Variants in OGDH observed in about 807,000 individuals in gnomAD.
The protein encoded by OGDH is oxoglutarate dehydrogenase.
OGDH carries 38 observed loss-of-function variants against 116.6 expected under a neutral mutation model. The ratio of observed to expected loss-of-function variants is 0.33; its 90% CI spans 0.25 to 0.43. OGDH has a LOEUF of 0.43. Among genes scored for constraint, OGDH ranks in the 20% least tolerant of loss-of-function variants. OGDH has a pLI of 1.00. For missense variants in OGDH, 825 were observed against 1,357.2 expected (o/e 0.61, Z 6.16); for synonymous variants, 488 against 533.3 (o/e 0.92, Z 1.17).
At chr7:44,706,624 ATT>A (rs60453820) in intron 20 of OGDH, among the ~76,000 whole-genome samples, 24 of 123,164 alleles carry the variant, frequency 1.9e-4, no homozygotes, top group South Asian at 2.5e-4. Context: ...CCCGGCTGGT[ATT>A]TTTTTTTTTT....
intron 1 of OGDH, among the ~76,000 whole-genome samples, chr7:44,620,410 C>G (rs1296402792): frequency 6.6e-6 from 1 of 152,208 alleles, no homozygotes; most frequent in African/African-American, 2.4e-5. Flanking sequence ...TTGCTTGAAT[C>G]AAGGTTACAA....
chr7:44,635,382 C>T (rs951848870), intron 2 of OGDH, among the ~76,000 whole-genome samples: 2 of 152,160 alleles, frequency 1.3e-5, no homozygotes, highest in Non-Finnish European at 2.9e-5. Flanking sequence ...ATCAGCTGTG[C>T]GAGGGCCTTT....
At chr7:44,659,112 A>G (rs1415213277) in intron 4 of OGDH, among the ~76,000 whole-genome samples, 2 of 152,166 alleles carry the variant, frequency 1.3e-5, no homozygotes, top group African/African-American at 2.4e-5. Flanking sequence ...TTCTGGGATT[A>G]CAGACATGAG....
At chr7:44,661,109 G>A (rs1260705207) in intron 4 of OGDH, among the ~76,000 whole-genome samples, 1 of 152,026 alleles carries the variant, frequency 6.6e-6, no homozygotes. Context: ...ATCAGATTTG[G>A]GGTCACTTAT....
At position 44,701,588 on chromosome 7, in the gene OGDH, A is replaced by G. The variant is rs1788832830; in HGVS notation, c.2605A>G (p.Arg869Gly). 1.2e-6 allele frequency: 2 copies of G among 1,614,206 alleles called. No individual in the cohort carries two copies. The highest frequency in any genetic ancestry group is 1.7e-6 in the Non-Finnish European group (2 of 1,180,030). Reference sequence around the variant, plus strand: ...ATCCCTGTTGCGCCACCCCGAGGCCAGATCCAGCTTTGATGAGATGCTTCC... The same window carrying G: ...ATCCCTGTTGCGCCACCCCGAGGCCGGATCCAGCTTTGATGAGATGCTTCC... ...PKSLLRHPEA[R>G]SSFDEMLPGT... Residue 869 changes from arginine to glycine, a missense_variant, in exon 20 of 23, where the codon AGA becomes GGA. By Grantham distance (125) the Arg-to-Gly change is moderately radical. Around this residue, in one of 7 missense-constraint regions of OGDH, gnomAD observed 212 missense variants for 284.3 expected, o/e 0.75. Transcript: ENST00000222673.
At chr7:44,619,827 C>G (rs539738104) in intron 1 of OGDH, among the ~76,000 whole-genome samples, 22 of 152,052 alleles carry the variant, frequency 1.4e-4, no homozygotes, top group African/African-American at 5.3e-4. Flanking sequence ...TGTTTATTGG[C>G]TGTTAGTATA....
At chr7:44,631,665 G>T (rs901010709) in intron 2 of OGDH, among the ~76,000 whole-genome samples, 1 of 152,250 alleles carries the variant, frequency 6.6e-6, no homozygotes, top group East Asian at 1.9e-4. Flanking sequence ...ACCCTCACTT[G>T]TGTGGTAGTT....
In OGDH at chr7:44,645,330, T is replaced by C. The variant is rs1786122005; in HGVS notation, c.226T>C (p.Trp76Arg). 1.2e-6 allele frequency: 2 copies of C among 1,613,958 alleles called. No individual in the cohort carries two copies. Among genetic ancestry groups the C allele is most frequent in the Non-Finnish European group, 1.7e-6 (2 of 1,179,918 alleles). ...CCTGTACCTTCTTTGTCTTTAGTCA[T>C]GGGACATTTTTTTTCGCAACACGAA... ...LENPKSVHKS[W>R]DIFFRNTNAG... The change falls in exon 3 of 23, where the codon TGG becomes CGG. Residue 76 changes from tryptophan (W) to arginine (R), a missense_variant. Physicochemically the swap from Trp to Arg is moderately radical, Grantham distance 101 (BLOSUM62 -3). Transcript: ENST00000222673.
At chr7:44,640,591 C>T (rs969994298) in intron 2 of OGDH, among the ~76,000 whole-genome samples, 4 of 152,208 alleles carry the variant, frequency 2.6e-5, no homozygotes, top group Non-Finnish European at 4.4e-5. Context: ...GTCTGTACAG[C>T]TGGAGAGACT....
chr7:44,639,455 G>C (rs1303173599), intron 2 of OGDH, among the ~76,000 whole-genome samples: 1 of 152,154 alleles, frequency 6.6e-6, no homozygotes, highest in Non-Finnish European at 1.5e-5. Flanking sequence ...CACATCTGTT[G>C]GGAGGTGAAG....
intron 2 of OGDH, 86 bp downstream of exon 2, chr7:44,624,651 A>G: frequency 8.3e-7 from 1 of 1,200,634 alleles, no homozygotes; most frequent in Non-Finnish European, 1.2e-6. Context: ...GTGCGTCCTG[A>G]GGAGTCAGCG....
chr7:44,646,112 C>A (rs1284949953), intron 3 of OGDH, among the ~76,000 whole-genome samples: 1 of 152,136 alleles, frequency 6.6e-6, no homozygotes, highest in Non-Finnish European at 1.5e-5. Flanking sequence ...TTTCCCAGAG[C>A]ACAATAACCA....
intron 2 of OGDH, among the ~76,000 whole-genome samples, chr7:44,643,094 TAAAA>T (rs769649359): frequency 0.092 from 11,462 of 124,422 alleles, 997 homozygotes; most frequent in East Asian, 0.39. Flanking sequence ...CCTGTTTCTT[TAAAA>T]AAAAAAAAAA....
chr7:44,702,223 T>C (rs112968022), intron 20 of OGDH, among the ~76,000 whole-genome samples: 6 of 152,350 alleles, frequency 3.9e-5, no homozygotes, highest in African/African-American at 7.2e-5. Flanking sequence ...CAATTAAGTA[T>C]GTCCAAGATT....
chr7:44,692,618 A>C (rs1788411258), intron 10 of OGDH, among the ~76,000 whole-genome samples: 1 of 152,238 alleles, frequency 6.6e-6, no homozygotes, highest in African/African-American at 2.4e-5. Flanking sequence ...GCAGTGTGGT[A>C]TTATCATGCT....
intron 10 of OGDH, among the ~76,000 whole-genome samples, chr7:44,690,915 T>C (rs1788336862): frequency 6.6e-6 from 1 of 152,208 alleles, no homozygotes; most frequent in Non-Finnish European, 1.5e-5. Flanking sequence ...CTCTTATGTG[T>C]CAGGCTCTGA....
At chr7:44,630,658 C>T (rs192795556) in intron 2 of OGDH, among the ~76,000 whole-genome samples, 2 of 152,310 alleles carry the variant, frequency 1.3e-5, no homozygotes, top group Admixed American at 1.3e-4. Flanking sequence ...GAAATATAAA[C>T]TATGCACGTT....
At chr7:44,678,258 AC>A (rs1787784544) in intron 9 of OGDH, among the ~76,000 whole-genome samples, 1 of 152,030 alleles carries the variant, frequency 6.6e-6, no homozygotes, top group South Asian at 2.1e-4. Flanking sequence ...CATTGTGATG[AC>A]CAGTGCCTCT....
intron 2 of OGDH, 135 bp downstream of exon 2, chr7:44,624,700 T>C: frequency 1.3e-6 from 1 of 741,834 alleles, no homozygotes; most frequent in East Asian, 2.6e-5. Context: ...AACCACCGTA[T>C]CTGTATCGGA....
Sources: allele counts gnomAD v4.1 joint callset (sites outside exome capture counted in the v4.1 genomes callset), GRCh38; gene constraint gnomAD v4.1.1; regional missense constraint gnomAD v4.1.1; transcripts MANE v1.5; gene names NCBI Gene and HGNC (gene_info 2026-07-23, HGNC 2026-07-21).